Variants in RBFOX3 observed in about 807,000 individuals in gnomAD.
RBFOX3 encodes the protein RNA binding protein fox-1 homolog 3.
Under a neutral mutation model 48.7 loss-of-function variants are expected in RBFOX3, and 17 were observed. The ratio of observed to expected loss-of-function variants is 0.35; its 90% confidence interval spans 0.24 to 0.52. The LOEUF is 0.52. RBFOX3 is among the 20% of genes least tolerant of loss of function. RBFOX3 has a pLI of 0.94. For missense variants in RBFOX3, 382 were observed against 497.5 expected (o/e 0.77, Z 2.21); for synonymous variants, 212 against 209.5 (o/e 1.01, Z -0.10).
At chr17:79,467,568 C>T (rs62061750) in intron 2 of RBFOX3, among the ~76,000 whole-genome samples, 5,322 of 152,220 alleles carry the variant, frequency 0.035, 127 homozygotes, top group South Asian at 0.062. Context: ...GCTCTGCCTG[C>T]CTGACAGAGA....
chr17:79,502,673 C>A (rs1309871499), intron 1 of RBFOX3, among the ~76,000 whole-genome samples: 2 of 152,218 alleles, frequency 1.3e-5, no homozygotes, highest in African/African-American at 2.4e-5. Context: ...TCCAATCTTG[C>A]CTTTGAACTG....
At chr17:79,250,289 T>G (rs2063746418) in intron 3 of RBFOX3, among the ~76,000 whole-genome samples, 1 of 152,200 alleles carries the variant, frequency 6.6e-6, no homozygotes, top group African/African-American at 2.4e-5. Context: ...ATTTGCAGAT[T>G]GTGCCTGTAT....
chr17:79,462,408 AT>A (rs2075490574), intron 2 of RBFOX3, among the ~76,000 whole-genome samples: 1 of 152,222 alleles, frequency 6.6e-6, no homozygotes, highest in Admixed American at 6.5e-5. Context: ...CATTACATGG[AT>A]TCAATGCTTA....
At position 79,361,085 on chromosome 17, in the gene RBFOX3, G is replaced by A. The variant is rs1218598891; in HGVS notation, c.-174-53261C>T. 4.6e-5 allele frequency among the ~76,000 whole-genome samples: 7 copies of A among 152,082 alleles called. No individual in the cohort carries two copies. Among genetic ancestry groups the A allele is most frequent in the Admixed American group, 1.3e-4 (2 of 15,270 alleles). ...AAGGAAGGGAAAGGAATAAATGGCC[G>A]AACCCCTCCTAAGTCAAGAAAGACA... On this transcript the variant is annotated intron_variant, in intron 2 of 14. Coordinates refer to ENST00000693108, the MANE Select transcript of RBFOX3 (RefSeq NM_001350451.2). The surrounding 1 kb of genome is among the most constrained non-coding windows in gnomAD (Gnocchi z 4.5).
rs151303960 is a variant in RBFOX3 at position 79,444,018 on chromosome 17, A to C, written c.-175+38436T>G. 1.4e-3 allele frequency among the ~76,000 whole-genome samples: 206 copies of C among 152,290 alleles called. 1 individual carries two copies. Among genetic ancestry groups the C allele is most frequent in the Admixed American group, 0.012 (186 of 15,300 alleles). ...AAAGGAGGAAACTGAGGCAGGAAGC[A>C]AAGTCAAAGCTCATACCCTGGCAGG... is the stretch of plus-strand genomic sequence containing the variant. On this transcript the variant is annotated intron_variant, in intron 2 of 14. Coordinates refer to ENST00000693108, the MANE Select transcript of RBFOX3 (RefSeq NM_001350451.2).
At chr17:79,662,268 G>A in the RBFOX3 span, among the ~76,000 whole-genome samples, 687 of 151,248 alleles carry the variant, frequency 4.5e-3, 3 homozygotes, top group Non-Finnish European at 7.7e-3. Flanking sequence ...GACTACAGGC[G>A]CCCACCACCA....
At position 79,343,316 on chromosome 17, in the gene RBFOX3, AG is replaced by A. The variant is rs2082383976; in HGVS notation, c.-174-35493del. Among the ~76,000 whole-genome samples, 3 of 152,178 alleles carry A rather than the reference AG, an allele frequency of 2.0e-5. No homozygotes were observed. In the South Asian group the frequency reaches 6.2e-4, roughly 32 times the overall value. ...CTAGGAGGGTGGATCACCTGAGGTC[AG>A]GAGTTTGAGACCAACGTGATGAAAC... On this transcript the variant is annotated intron_variant, in intron 2 of 14. Transcript: ENST00000693108.
intron 2 of RBFOX3, among the ~76,000 whole-genome samples, chr17:79,448,472 C>A (rs2072799723): frequency 6.6e-6 from 1 of 152,168 alleles, no homozygotes; most frequent in Non-Finnish European, 1.5e-5. Flanking sequence ...GAATGACACA[C>A]AGAGAAGGCC....
chr17:79,382,851 G>A (rs960761460), intron 2 of RBFOX3, among the ~76,000 whole-genome samples: 1 of 152,204 alleles, frequency 6.6e-6, no homozygotes, highest in Non-Finnish European at 1.5e-5. Flanking sequence ...CATCAGGGGA[G>A]CCTGAATGGG....
rs1326450047 is a variant in RBFOX3, at chr17:79,473,854, A to G, written c.-175+8600T>C. On this transcript the variant is annotated intron_variant, in intron 2 of 14. Transcript: ENST00000693108. This position sits in a 1 kb window ranked among gnomAD's most constrained non-coding sequence, Gnocchi z 4.2. ...CACACACACACTCACACACACACAC[A>G]CGCAGAACTAAAGTTAGGCTTGCCT... Among the ~76,000 whole-genome samples, 1 of 152,134 alleles carries G rather than the reference A, an allele frequency of 6.6e-6. No individual in the cohort carries two copies. The highest frequency in any genetic ancestry group is 1.9e-4 in the East Asian group (1 of 5,190).
At chr17:79,296,338 T>C (rs1027635642) in intron 3 of RBFOX3, among the ~76,000 whole-genome samples, 2 of 151,954 alleles carry the variant, frequency 1.3e-5, no homozygotes, top group Non-Finnish European at 2.9e-5. Context: ...CAAAATCTGA[T>C]TTTGATTTCT....
At chr17:79,579,778 GTGGTGGGGGTGTCACTGGCGCCA>G (rs1394251344) in intron 1 of RBFOX3, among the ~76,000 whole-genome samples, 17 of 145,988 alleles carry the variant, frequency 1.2e-4, no homozygotes, top group East Asian at 6.3e-4. Context: ...CACTGGCGCC[GTGGTGGGGGTGTCACTGGCGCCA>G]TGGTGGGGAG....
intron 4 of RBFOX3, among the ~76,000 whole-genome samples, chr17:79,202,349 T>G (rs2056886546): frequency 6.6e-6 from 1 of 152,148 alleles, no homozygotes; most frequent in South Asian, 2.1e-4. Flanking sequence ...TCACGTATAA[T>G]AACAGATGAC....
intron 1 of RBFOX3, among the ~76,000 whole-genome samples, chr17:79,602,988 C>CTTT (rs35479641): frequency 2.0e-5 from 2 of 99,160 alleles, no homozygotes; most frequent in East Asian, 2.9e-4. Context: ...TTGAGCTACC[C>CTTT]TTTTTTTTTT....
intron 3 of RBFOX3, among the ~76,000 whole-genome samples, chr17:79,266,382 C>T (rs1171460189): frequency 3.3e-5 from 5 of 152,220 alleles, no homozygotes; most frequent in Non-Finnish European, 7.3e-5. Context: ...CAGTGCTCCG[C>T]CCGCCCATCT....
intron 2 of RBFOX3, among the ~76,000 whole-genome samples, chr17:79,436,837 G>A (rs1568247454): frequency 6.6e-6 from 1 of 152,104 alleles, no homozygotes. Flanking sequence ...CAGCCTCAGA[G>A]CCAGGGAGCC....
chr17:79,233,207 G>A (rs1026799691), intron 4 of RBFOX3, among the ~76,000 whole-genome samples: 5 of 152,144 alleles, frequency 3.3e-5, no homozygotes, highest in Non-Finnish European at 7.3e-5. Context: ...ACATCACAGA[G>A]GAACCTCTGA....
At chr17:79,275,472 C>T (rs986677646) in intron 3 of RBFOX3, among the ~76,000 whole-genome samples, 3 of 152,180 alleles carry the variant, frequency 2.0e-5, no homozygotes, top group East Asian at 3.9e-4. Context: ...ACCTCCAAGA[C>T]GGTAGGCTTC....
At chr17:79,585,845 G>C (rs1012603041) in intron 1 of RBFOX3, among the ~76,000 whole-genome samples, 1 of 152,198 alleles carries the variant, frequency 6.6e-6, no homozygotes, top group Non-Finnish European at 1.5e-5. Flanking sequence ...GATGGGCTCC[G>C]TGGGGCCGGG....
Sources: gnomAD v4.1 joint callset for allele counts (sites outside exome capture counted in the v4.1 genomes callset) on GRCh38, gnomAD v4.1.1 for gene constraint, Gnocchi (gnomAD v3.1) non-coding constraint, MANE v1.5 for transcripts, NCBI Gene and HGNC (gene_info 2026-07-23, HGNC 2026-07-21) for gene names.